Variants in NAALADL2 observed in about 807,000 individuals in gnomAD.
NAALADL2 encodes inactive N-acetylated-alpha-linked acidic dipeptidase-like protein 2.
Under a neutral mutation model 87.2 loss-of-function variants are expected in NAALADL2, and 76 were observed. The ratio of observed to expected loss-of-function variants is 0.87; its 90% CI spans 0.72 to 1.05. The LOEUF (loss-of-function observed/expected upper bound fraction) is 1.05. Ranked by LOEUF, NAALADL2 falls within the 50% of genes least tolerant of loss-of-function variation. The pLI is 0.00. For synonymous variants in NAALADL2, 354 were observed against 331.0 expected, an observed-to-expected ratio of 1.07 and a Z score of -0.75; for missense variants, 1,089 against 945.8, an observed-to-expected ratio of 1.15 and a Z score of -1.99.
At chr3:175,482,749 C>T (rs964246792) in intron 9 of NAALADL2, among the ~76,000 whole-genome samples, 1 of 151,748 alleles carries the variant, frequency 6.6e-6, no homozygotes, top group African/African-American at 2.4e-5. Flanking sequence ...CACATTAATA[C>T]TCTATCTGGA....
At chr3:175,466,929 T>C in intron 7 of NAALADL2, 50 bp from the exon 8 acceptor site, 2 of 1,375,330 alleles carry the variant, frequency 1.5e-6, no homozygotes, top group African/African-American at 2.9e-5. Context: ...TTAAATTTAT[T>C]GTTAAGGTTT....
At chr3:174,551,817 A>G (rs1340266865) in intron 2 of NAALADL2, among the ~76,000 whole-genome samples, 2 of 152,188 alleles carry the variant, frequency 1.3e-5, no homozygotes, top group Non-Finnish European at 2.9e-5. Context: ...TAGCTTTTTC[A>G]TGCTGAGTTT....
At position 174,643,690 on chromosome 3, in the gene NAALADL2, T is replaced by C. The variant is rs139070355; in HGVS notation, c.-115+93053T>C. On this transcript the variant is annotated intron_variant, in intron 2 of 3. Transcript: ENST00000434257. Reference sequence around the variant, plus strand: ...CATATGGTGGTTTAATTTCCTTGCTTGTACATTGCTTTTGGAAATACCATT... The same window carrying C: ...CATATGGTGGTTTAATTTCCTTGCTCGTACATTGCTTTTGGAAATACCATT... Among the ~76,000 whole-genome samples, 434 of 152,254 alleles carry C rather than the reference T, an allele frequency of 2.9e-3. 2 individuals are homozygous for C. Among genetic ancestry groups the C allele is most frequent in the African/African-American group, 9.8e-3 (408 of 41,554 alleles).
chr3:175,706,112 G>T (rs183900458), intron 11 of NAALADL2, among the ~76,000 whole-genome samples: 162 of 152,210 alleles, frequency 1.1e-3, no homozygotes, highest in African/African-American at 3.7e-3. Flanking sequence ...GAAGAAACAA[G>T]GAGTGAATGG....
intron 2 of NAALADL2, among the ~76,000 whole-genome samples, chr3:174,683,102 A>G (rs12486421): frequency 0.089 from 13,512 of 152,258 alleles, 844 homozygotes; most frequent in South Asian, 0.27. Context: ...GAAATTTTCC[A>G]GTTGAGAAAT....
intron 2 of NAALADL2, among the ~76,000 whole-genome samples, chr3:174,645,030 A>T (rs1359968815): frequency 6.6e-6 from 1 of 152,130 alleles, no homozygotes; most frequent in Non-Finnish European, 1.5e-5. Context: ...CTTCTTTCTT[A>T]CTTTGCCAGA....
intron 3 of NAALADL2, among the ~76,000 whole-genome samples, chr3:174,783,811 A>G (rs1716286010): frequency 6.6e-6 from 1 of 152,042 alleles, no homozygotes; most frequent in African/African-American, 2.4e-5. Flanking sequence ...AATCCTAGCT[A>G]TGGAATTTTA....
chr3:174,928,604 A>G (rs1421182790), intron 1 of NAALADL2, among the ~76,000 whole-genome samples: 1 of 152,230 alleles, frequency 6.6e-6, no homozygotes, highest in African/African-American at 2.4e-5. Context: ...CAAGTGATAT[A>G]CAACTTTATT....
At chr3:174,833,777 A>T (rs1361800779) in intron 3 of NAALADL2, among the ~76,000 whole-genome samples, 1 of 151,800 alleles carries the variant, frequency 6.6e-6, no homozygotes, top group Non-Finnish European at 1.5e-5. Context: ...TTTAAAATGT[A>T]TATTGAGAGA....
chr3:174,919,871 T>C (rs573630081), intron 1 of NAALADL2, among the ~76,000 whole-genome samples: 5 of 152,316 alleles, frequency 3.3e-5, no homozygotes, highest in Admixed American at 2.0e-4. Context: ...GCAGAACTTA[T>C]GTGTTAGCAG....
At chr3:175,129,799 T>G (rs1727531639) in intron 2 of NAALADL2, among the ~76,000 whole-genome samples, 1 of 152,224 alleles carries the variant, frequency 6.6e-6, no homozygotes, top group Non-Finnish European at 1.5e-5. Flanking sequence ...CAGATATCAC[T>G]TTGAGATACT....
At chr3:175,573,709 C>T (rs1024239831) in intron 9 of NAALADL2, among the ~76,000 whole-genome samples, 6 of 152,090 alleles carry the variant, frequency 3.9e-5, no homozygotes, top group Admixed American at 1.3e-4. Context: ...TAAACTGTCC[C>T]AGCTTAATAT....
intron 2 of NAALADL2, among the ~76,000 whole-genome samples, chr3:175,140,682 G>A (rs963332975): frequency 6.6e-6 from 1 of 152,156 alleles, no homozygotes; most frequent in African/African-American, 2.4e-5. Flanking sequence ...AATAAAGGGA[G>A]TGACATAACG....
chr3:174,475,792 A>G (rs924480895), intron 1 of NAALADL2, among the ~76,000 whole-genome samples: 1 of 152,016 alleles, frequency 6.6e-6, no homozygotes, highest in African/African-American at 2.4e-5. Context: ...GTGTCTGTCC[A>G]TACAAAACAC....
chr3:174,658,901 G>A (rs1418044575), intron 2 of NAALADL2, among the ~76,000 whole-genome samples: 3 of 152,118 alleles, frequency 2.0e-5, no homozygotes, highest in African/African-American at 4.8e-5. Flanking sequence ...CAGTCTTAGC[G>A]TCGACATCAT....
At chr3:175,639,116 C>T (rs1417147826) in intron 11 of NAALADL2, among the ~76,000 whole-genome samples, 15 of 152,138 alleles carry the variant, frequency 9.9e-5, no homozygotes. Context: ...GCTTTGTCCC[C>T]TTTTCAGTGA....
chr3:174,929,654 C>T (rs989670823), intron 1 of NAALADL2, among the ~76,000 whole-genome samples: 1 of 152,004 alleles, frequency 6.6e-6, no homozygotes, highest in Admixed American at 6.6e-5. Context: ...ATTTAAGGGT[C>T]CCTTTCATAA....
intron 2 of NAALADL2, among the ~76,000 whole-genome samples, chr3:174,698,223 GATTATTTA>G (rs72343174): frequency 0.22 from 33,584 of 151,904 alleles, 5,462 homozygotes; most frequent in East Asian, 0.48. Context: ...TTTTGGGTAG[GATTATTTA>G]GTTAATCTGT....
chr3:175,799,801 A>G (rs1476394797), intron 13 of NAALADL2, among the ~76,000 whole-genome samples: 1 of 152,210 alleles, frequency 6.6e-6, no homozygotes, highest in Non-Finnish European at 1.5e-5. Flanking sequence ...ATGTATACAT[A>G]TGTATTTATG....
Sources: allele counts gnomAD v4.1 joint callset (sites outside exome capture counted in the v4.1 genomes callset), GRCh38; gene constraint gnomAD v4.1.1; transcripts MANE v1.5; gene names NCBI Gene and HGNC (gene_info 2026-07-23, HGNC 2026-07-21).